The following PPM1L variants were observed in gnomAD, a reference collection of about 807,000 sequenced individuals.
The protein encoded by PPM1L is protein phosphatase, Mg2+/Mn2+ dependent 1L.
Under a neutral mutation model 31.4 loss-of-function variants are expected in PPM1L, and 13 were observed. The observed-to-expected ratio is 0.41, with a 90% confidence interval of 0.27 to 0.66. The LOEUF (loss-of-function observed/expected upper bound fraction) is 0.66. PPM1L is among the 30% of genes least tolerant of loss of function. PPM1L has a pLI of 0.29. For synonymous variants in PPM1L, 184 were observed against 175.4 expected (o/e 1.05, Z -0.39); for missense variants, 326 against 453.7 (o/e 0.72, Z 2.56).
At chr3:160,828,574 G>C (rs2108095790) in intron 1 of PPM1L, among the ~76,000 whole-genome samples, 1 of 152,258 alleles carries the variant, frequency 6.6e-6, no homozygotes, top group South Asian at 2.1e-4. Context: ...GTACTAGGGA[G>C]TAAGGCATAA....
intron 2 of PPM1L, among the ~76,000 whole-genome samples, chr3:160,975,973 C>T (rs1444689847): frequency 2.7e-5 from 4 of 146,882 alleles, no homozygotes; most frequent in East Asian, 2.0e-4. Context: ...GGAATGCTTC[C>T]AGTTTTTGCC....
chr3:161,060,915 A>T (rs1719553119), intron 2 of PPM1L, among the ~76,000 whole-genome samples: 1 of 152,084 alleles, frequency 6.6e-6, no homozygotes, highest in South Asian at 2.1e-4. Context: ...ATATAGTGCT[A>T]TGATGGAATA....
chr3:160,976,551 G>C (rs1490746679), intron 2 of PPM1L, among the ~76,000 whole-genome samples: 135 of 150,542 alleles, frequency 9.0e-4, no homozygotes, highest in African/African-American at 1.6e-3. Flanking sequence ...ACAATTTCAG[G>C]TCCTGTTATT....
At chr3:160,972,261 C>T (rs1413002588) in intron 2 of PPM1L, among the ~76,000 whole-genome samples, 1 of 152,036 alleles carries the variant, frequency 6.6e-6, no homozygotes, top group Non-Finnish European at 1.5e-5. Flanking sequence ...AGGTTTGTTA[C>T]ATATGTATAC....
At position 161,077,655 on chromosome 3, in the gene PPM1L, A is replaced by T. The variant is rs545998227; in HGVS notation, c.*8498A>T. 6.6e-6 allele frequency: 1 copy of T among 152,352 alleles called. No homozygotes were observed. Among genetic ancestry groups the T allele is most frequent in the East Asian group, 1.9e-4 (1 of 5,188 alleles). The allele number at this position is 152,352 out of a possible 1,614,324, so 9.4% of individuals were successfully genotyped here. On this transcript the variant is annotated 3_prime_UTR_variant, in exon 4 of 4. Transcript: ENST00000498165. Reference sequence around the variant, plus strand: ...TGAATCTGTTATATAGAAAGTTAACATTTCAGGAGCACAATTATTTCCTGA... The same window carrying T: ...TGAATCTGTTATATAGAAAGTTAACTTTTCAGGAGCACAATTATTTCCTGA...
At chr3:160,834,667 TAATACTC>T (rs1478765746) in intron 1 of PPM1L, among the ~76,000 whole-genome samples, 1 of 152,182 alleles carries the variant, frequency 6.6e-6, no homozygotes, top group East Asian at 1.9e-4. Flanking sequence ...AGTATGCACT[TAATACTC>T]AATATGTAAC....
At chr3:160,876,068 G>A (rs780545318) in intron 1 of PPM1L, among the ~76,000 whole-genome samples, 3 of 152,142 alleles carry the variant, frequency 2.0e-5, no homozygotes, top group Non-Finnish European at 2.9e-5. Context: ...AGCTTTATGC[G>A]AATCTTGATG....
chr3:160,883,368 G>T (rs1195675583), intron 1 of PPM1L, among the ~76,000 whole-genome samples: 1 of 152,074 alleles, frequency 6.6e-6, no homozygotes, highest in African/African-American at 2.4e-5. Flanking sequence ...TGAAATATGT[G>T]TACAAAAGCT....
intron 1 of PPM1L, among the ~76,000 whole-genome samples, chr3:160,817,888 C>T (rs1713043827): frequency 6.6e-6 from 1 of 151,896 alleles, no homozygotes; most frequent in Non-Finnish European, 1.5e-5. Flanking sequence ...TGATGATAGC[C>T]TGGAATGGAT....
At chr3:160,942,560 C>G (rs971223452) in intron 1 of PPM1L, among the ~76,000 whole-genome samples, 7 of 152,194 alleles carry the variant, frequency 4.6e-5, no homozygotes, top group Non-Finnish European at 1.0e-4. Context: ...TTCCATGACA[C>G]TGAGTTTTTT....
chr3:160,756,575 G>A lies in PPM1L; in HGVS notation c.267G>A (p.Lys89=), dbSNP rs764239469. The A allele has an allele frequency of 2.0e-5, 33 of 1,614,038 alleles. No homozygotes were observed. Among genetic ancestry groups the A allele is most frequent in the African/African-American group, 2.7e-5 (2 of 74,912 alleles). ...EAEFSKTWEF[K]NHNVAVYSIQ... is the part of the protein sequence containing the mutation. ...AGTTTTCCAAGACCTGGGAGTTCAA[G>A]AACCACAACGTGGCGGTGTACTCCA... The change falls in exon 1 of 4, where the codon AAG becomes AAA. Residue 89 remains lysine, a synonymous_variant. Transcript: ENST00000498165. The surrounding 1 kb of genome is among the most constrained non-coding windows in gnomAD (Gnocchi z 6.2).
At chr3:160,995,308 G>A (rs958785896) in intron 2 of PPM1L, among the ~76,000 whole-genome samples, 1 of 151,934 alleles carries the variant, frequency 6.6e-6, no homozygotes, top group Admixed American at 6.6e-5. Flanking sequence ...TTTGTGATAC[G>A]TAGGTAGAGA....
At chr3:160,817,804 G>A (rs1350016157) in intron 1 of PPM1L, among the ~76,000 whole-genome samples, 1 of 151,946 alleles carries the variant, frequency 6.6e-6, no homozygotes, top group Non-Finnish European at 1.5e-5. Context: ...TTGAAGGGAT[G>A]GTTTGAAGGA....
chr3:160,861,177 C>T (rs867064673), intron 1 of PPM1L, among the ~76,000 whole-genome samples: 39 of 152,290 alleles, frequency 2.6e-4, no homozygotes, highest in South Asian at 4.1e-4. Context: ...AGTATTCTTT[C>T]GTTGCCACTG....
rs1423212005 is a variant in PPM1L, at chr3:160,808,391, G to C, written c.399+51684G>C. ...GCAGTGCCAGGATTTTCCTGTGTGT[G>C]TGTGTGTGTGTGTGTGTGTGTGTGT... On this transcript the variant is annotated intron_variant, in intron 1 of 3. Transcript: ENST00000498165. 6.8e-5 allele frequency among the ~76,000 whole-genome samples: 10 copies of C among 147,450 alleles called. 1 individual carries two copies. Among genetic ancestry groups the C allele is most frequent in the African/African-American group, 1.8e-4 (7 of 39,114 alleles).
intron 1 of PPM1L, among the ~76,000 whole-genome samples, chr3:160,759,516 C>G (rs758207037): frequency 6.6e-6 from 1 of 152,020 alleles, no homozygotes; most frequent in Non-Finnish European, 1.5e-5. Flanking sequence ...TTGTTGATCT[C>G]TATATGAAAC....
chr3:160,947,585 C>T (rs2108094927), intron 1 of PPM1L, among the ~76,000 whole-genome samples: 1 of 152,196 alleles, frequency 6.6e-6, no homozygotes, highest in Non-Finnish European at 1.5e-5. Flanking sequence ...GAATCTTGTT[C>T]ATTTCTATCT....
chr3:160,875,050 C>T (rs961922838), intron 1 of PPM1L, among the ~76,000 whole-genome samples: 2 of 152,138 alleles, frequency 1.3e-5, no homozygotes, highest in African/African-American at 4.8e-5. Flanking sequence ...ACAAAATGAA[C>T]ATTGTTATTA....
At chr3:160,917,647 G>A (rs1325233384) in intron 1 of PPM1L, among the ~76,000 whole-genome samples, 1 of 152,110 alleles carries the variant, frequency 6.6e-6, no homozygotes, top group Non-Finnish European at 1.5e-5. Flanking sequence ...GGGAGTTGTG[G>A]GGAGGTGGTG....
Sources: allele counts gnomAD v4.1 joint callset (sites outside exome capture counted in the v4.1 genomes callset), GRCh38; gene constraint gnomAD v4.1.1; non-coding constraint Gnocchi (gnomAD v3.1); transcripts MANE v1.5; gene names NCBI Gene and HGNC (gene_info 2026-07-23, HGNC 2026-07-21).